DNAH11: variants seen among roughly 807,000 people sequenced by gnomAD.
DNAH11 encodes the protein dynein axonemal heavy chain 11.
In DNAH11, 442 loss-of-function variants were observed where a neutral mutation model predicts 526.0. The ratio of observed to expected loss-of-function variants is 0.84; its 90% CI spans 0.78 to 0.91. The LOEUF is 0.91. DNAH11 is among the 40% of genes least tolerant of loss of function. DNAH11 has a pLI of 0.00. For synonymous variants in DNAH11, 2,461 were observed against 1,935.9 expected, an observed-to-expected ratio of 1.27 and a Z score of -7.12; for missense variants, 6,989 against 5,448.7, an observed-to-expected ratio of 1.28 and a Z score of -8.90.
At chr7:21,555,888 G>T (rs578180698) in intron 2 of DNAH11, among the ~76,000 whole-genome samples, 21 of 152,288 alleles carry the variant, frequency 1.4e-4, no homozygotes, top group African/African-American at 4.8e-4. Flanking sequence ...GGGCCCCCAA[G>T]TTTGTGAGAA....
intron 65 of DNAH11, among the ~76,000 whole-genome samples, chr7:21,836,218 A>G (rs918434551): frequency 7.2e-5 from 11 of 152,290 alleles, no homozygotes; most frequent in East Asian, 1.9e-4. Context: ...TGAAAATACC[A>G]ACGACATTCT....
At chr7:21,768,175 G>A (rs974512250) in intron 55 of DNAH11, among the ~76,000 whole-genome samples, 1 of 152,204 alleles carries the variant, frequency 6.6e-6, no homozygotes. Flanking sequence ...TCTCCAAGGA[G>A]ATTTTGAAAT....
chr7:21,835,868 C>CA (rs112075174), intron 65 of DNAH11, among the ~76,000 whole-genome samples: 32,624 of 116,854 alleles, frequency 0.28, 4,588 homozygotes, highest in African/African-American at 0.45. Flanking sequence ...AAAGACTCCT[C>CA]AAAAAAAAAA....
At chr7:21,767,800 T>A (rs1787243696) in intron 55 of DNAH11, among the ~76,000 whole-genome samples, 1 of 152,238 alleles carries the variant, frequency 6.6e-6, no homozygotes, top group South Asian at 2.1e-4. Flanking sequence ...GTTTTTTGAA[T>A]GAGCACTAAT....
At chr7:21,592,173 A>G (rs1433091724) in intron 14 of DNAH11, among the ~76,000 whole-genome samples, 1 of 152,228 alleles carries the variant, frequency 6.6e-6, no homozygotes, top group Non-Finnish European at 1.5e-5. Context: ...CTTACACTCT[A>G]GTCAGAGGAA....
intron 40 of DNAH11, among the ~76,000 whole-genome samples, chr7:21,710,203 T>C (rs571233921): frequency 7.9e-5 from 12 of 152,268 alleles, no homozygotes; most frequent in African/African-American, 2.9e-4. Flanking sequence ...ACTGAACATA[T>C]GTGTATGAAG....
chr7:21,695,540 T>C (rs2128476341), intron 35 of DNAH11, among the ~76,000 whole-genome samples: 1 of 152,254 alleles, frequency 6.6e-6, no homozygotes. Context: ...TGGCTAGCCA[T>C]ATGCAGAAAA....
Position 21,861,877 on chromosome 7 carries a change from G to A in DNAH11, c.11227G>A (p.Ala3743Thr). The A allele has an allele frequency of 6.2e-7, 1 of 1,613,296 alleles. No homozygotes were observed. Among genetic ancestry groups the A allele is most frequent in the Non-Finnish European group, 8.5e-7 (1 of 1,179,628 alleles). Residue 3743 changes from alanine to threonine, a missense_variant, in exon 69 of 82, where the codon GCG becomes ACG. Transcript: ENST00000409508. ...LKAFNVLFHR[A>T]IEQADKVEDM... ...GGCTTTTAACGTGCTGTTCCACAGA[G>A]CGATCGAGCAGGCTGACAAGGTGGA... is the stretch of plus-strand genomic sequence containing the variant.
At chr7:21,844,071 C>G (rs1782321431) in intron 66 of DNAH11, among the ~76,000 whole-genome samples, 1 of 152,160 alleles carries the variant, frequency 6.6e-6, no homozygotes, top group Non-Finnish European at 1.5e-5. Flanking sequence ...CAAACTGTGG[C>G]TTCCATGCCT....
chr7:21,749,658 G>A lies in DNAH11; in HGVS notation c.8674-20G>A, dbSNP rs753994285. The A allele has an allele frequency of 4.3e-6, 7 of 1,613,374 alleles. No homozygotes were observed. In the Admixed American group the frequency reaches 8.3e-5, roughly 19 times the overall value. On this transcript the variant is annotated intron_variant, in intron 52 of 81. Coordinates refer to ENST00000409508, the MANE Select transcript of DNAH11 (RefSeq NM_001277115.2). Reference sequence around the variant, plus strand: ...GCATCAGCATTTTAACAAAACATGAGTGATGGCCTTTCCTTACAGGTAGAT... The same window carrying A: ...GCATCAGCATTTTAACAAAACATGAATGATGGCCTTTCCTTACAGGTAGAT...
chr7:21,577,404 G>T (rs1011438160), intron 8 of DNAH11, among the ~76,000 whole-genome samples: 1 of 152,120 alleles, frequency 6.6e-6, no homozygotes, highest in Non-Finnish European at 1.5e-5. Context: ...CACATAGGGA[G>T]CCATGATTTT....
chr7:21,887,808 C>G (rs1462279622), intron 76 of DNAH11, among the ~76,000 whole-genome samples: 1 of 152,188 alleles, frequency 6.6e-6, no homozygotes, highest in Admixed American at 6.5e-5. Flanking sequence ...TTTCTTCTCA[C>G]TATAATCTGG....
At chr7:21,623,826 G>A (rs1583539224) in intron 25 of DNAH11, among the ~76,000 whole-genome samples, 1 of 147,858 alleles carries the variant, frequency 6.8e-6, no homozygotes, top group African/African-American at 2.5e-5. Flanking sequence ...GGGGTGGGGG[G>A]AGGAGGGAGG....
At chr7:21,754,785 A>G (rs912812985) in intron 54 of DNAH11, among the ~76,000 whole-genome samples, 2 of 152,204 alleles carry the variant, frequency 1.3e-5, no homozygotes, top group African/African-American at 4.8e-5. Flanking sequence ...GGTCAGCACC[A>G]TGACCTCTTT....
At chr7:21,899,050 G>A (rs1023933563) in intron 79 of DNAH11, among the ~76,000 whole-genome samples, 1 of 152,208 alleles carries the variant, frequency 6.6e-6, no homozygotes, top group African/African-American at 2.4e-5. Context: ...CACATAGCAT[G>A]AAGAGGCTCT....
At chr7:21,663,704 G>A (rs752121122) in intron 30 of DNAH11, among the ~76,000 whole-genome samples, 16 of 150,334 alleles carry the variant, frequency 1.1e-4, no homozygotes, top group Admixed American at 8.0e-4. Context: ...TCTATGCCTG[G>A]CTTATTTCAA....
In DNAH11 at chr7:21,687,269, A is replaced by G; in HGVS notation, c.5778+14A>G. The stretch of plus-strand genomic sequence containing the variant: ...ATGGACTACAAAGTAAGTTAGTAAG[A>G]GAATAATGTGTAAAACTTTATTCTC... On this transcript the variant is annotated intron_variant, in intron 33 of 81. Transcript: ENST00000409508. 1 of 1,564,858 alleles carries G rather than the reference A, an allele frequency of 6.4e-7. No individual in the cohort carries two copies.
In DNAH11 at chr7:21,710,768, C is replaced by T. The variant is rs1210145519; in HGVS notation, c.6834+65C>T. 4 of 1,473,546 alleles carry T rather than the reference C, an allele frequency of 2.7e-6. No individual in the cohort carries two copies. The South Asian group carries it at 4.2e-5, about 16-fold the overall frequency. The allele number at this position is 1,473,546 out of a possible 1,614,324, so 91.3% of individuals were successfully genotyped here. A position where few individuals can be genotyped will look rare whatever the true frequency, so the allele number is the denominator to read the frequency against. ...CTGAGTGTATTAAGAGTTCGATTCA[C>T]TTGTCGATGTTAATACTAGTTTTTG... On this transcript the variant is annotated intron_variant, in intron 41 of 81. Transcript: ENST00000409508.
chr7:21,831,470 A>AC (rs1327552700), intron 65 of DNAH11, among the ~76,000 whole-genome samples: 1 of 152,218 alleles, frequency 6.6e-6, no homozygotes, highest in East Asian at 1.9e-4. Context: ...GATCATAAAC[A>AC]CCCCAATTGA....
Sources: allele counts gnomAD v4.1 joint callset (sites outside exome capture counted in the v4.1 genomes callset), GRCh38; gene constraint gnomAD v4.1.1; transcripts MANE v1.5; gene names NCBI Gene and HGNC (gene_info 2026-07-23, HGNC 2026-07-21).